The following KIAA1958 variants were observed in gnomAD, a reference collection of about 807,000 sequenced individuals.
KIAA1958 encodes uncharacterized protein KIAA1958.
Under a neutral mutation model 47.2 loss-of-function variants are expected in KIAA1958, and 14 were observed. That is an observed-to-expected ratio of 0.30 (90% CI 0.20 to 0.46). KIAA1958 has a LOEUF of 0.46. Ranked by LOEUF, KIAA1958 falls within the 20% of genes least tolerant of loss-of-function variation. KIAA1958 has a pLI of 1.00. For missense variants in KIAA1958, 803 were observed against 909.2 expected (o/e 0.88, Z 1.50); for synonymous variants, 354 against 353.3 (o/e 1.00, Z -0.02).
At chr9:112,509,238 T>C (rs756891392) in intron 1 of KIAA1958, among the ~76,000 whole-genome samples, 6 of 139,062 alleles carry the variant, frequency 4.3e-5, no homozygotes, top group African/African-American at 1.4e-4. Flanking sequence ...AGTCTTGCTG[T>C]GTCGCCTAGG....
chr9:112,494,225 T>C (rs936710711), intron 1 of KIAA1958, among the ~76,000 whole-genome samples: 1 of 152,224 alleles, frequency 6.6e-6, no homozygotes, highest in Non-Finnish European at 1.5e-5. Context: ...CATTCCCTGT[T>C]AATTCTCCTA....
rs10655286 is a variant in KIAA1958, at chr9:112,563,085, C to CTCTCTCTCCCTATA, written c.-24-10971_-24-10970insCTCTCTCCCTATAT. ...TCTCTGTCTCTCTCTCTCTCTCTCTCTATATATATATATAAATTTTTTTTA... is the reference window on the plus strand; with the variant it reads ...TCTCTGTCTCTCTCTCTCTCTCTCTCTCTCTCTCCCTATATATATATATATATAAATTTTTTTTA... On this transcript the variant is annotated intron_variant, in intron 1 of 3. Coordinates refer to ENST00000337530, the MANE Select transcript of KIAA1958 (RefSeq NM_133465.4). Among the ~76,000 whole-genome samples, 404 of 131,554 alleles carry CTCTCTCTCCCTATA rather than the reference C, an allele frequency of 3.1e-3. 2 individuals are homozygous for CTCTCTCTCCCTATA. Among genetic ancestry groups the CTCTCTCTCCCTATA allele is most frequent in the Non-Finnish European group, 4.8e-3 (305 of 63,606 alleles). The allele number at this position is 131,554 out of a possible 152,430, so 86.3% of individuals were successfully genotyped here.
intron 2 of KIAA1958, among the ~76,000 whole-genome samples, chr9:112,621,117 C>G (rs1427169520): frequency 6.6e-6 from 1 of 152,076 alleles, no homozygotes; most frequent in African/African-American, 2.4e-5. Flanking sequence ...GTGGTTTGAT[C>G]CAGAGCTGGG....
chr9:112,524,153 T>C (rs1005226949), intron 1 of KIAA1958, among the ~76,000 whole-genome samples: 2 of 152,262 alleles, frequency 1.3e-5, no homozygotes, highest in Non-Finnish European at 2.9e-5. Context: ...AATACAGTTC[T>C]GAAAGAGATT....
intron 2 of KIAA1958, among the ~76,000 whole-genome samples, chr9:112,632,520 C>T (rs570642750): frequency 6.6e-6 from 1 of 152,152 alleles, no homozygotes; most frequent in African/African-American, 2.4e-5. Flanking sequence ...AGCAGCCTGG[C>T]CAACATTTAG....
At chr9:112,538,456 A>G (rs1834891334) in intron 1 of KIAA1958, among the ~76,000 whole-genome samples, 1 of 152,226 alleles carries the variant, frequency 6.6e-6, no homozygotes, top group Admixed American at 6.5e-5. Context: ...GTAGGTGAAA[A>G]TAAAGCAGAA....
At chr9:112,507,772 T>TCTC (rs1564152656) in intron 1 of KIAA1958, among the ~76,000 whole-genome samples, 2 of 149,960 alleles carry the variant, frequency 1.3e-5, no homozygotes, top group Admixed American at 6.6e-5. Context: ...CTCTCTCTCT[T>TCTC]TCTTTCTTTC....
chr9:112,560,701 G>A (rs1329085629), intron 1 of KIAA1958, among the ~76,000 whole-genome samples: 2 of 152,164 alleles, frequency 1.3e-5, no homozygotes, highest in Non-Finnish European at 2.9e-5. Context: ...GTTAGGAGAT[G>A]GGTAGGTGAA....
In KIAA1958 at chr9:112,575,198, A is replaced by G; in HGVS notation, c.1118A>G (p.Gln373Arg). 5.1e-6 allele frequency: 8 copies of G among 1,583,232 alleles called. No homozygotes were observed. The South Asian group carries it at 9.2e-5, about 18-fold the overall frequency. ...CCAGAAGTGAGCTCCAGTCAGCAGC[A>G]GCCCCCAGTCGCTCCAGCCATAACC... ...TEPEVSSSQQ[Q>R]PPVAPAITTE... The change falls in exon 2 of 4, where the codon CAG (glutamine) becomes CGG (arginine). Residue 373 changes from glutamine to arginine, a missense_variant. Coordinates refer to ENST00000337530, the MANE Select transcript of KIAA1958 (RefSeq NM_133465.4).
chr9:112,562,958 G>GC, intron 1 of KIAA1958, among the ~76,000 whole-genome samples: 1 of 149,432 alleles, frequency 6.7e-6, no homozygotes, highest in South Asian at 2.1e-4. Flanking sequence ...GAGCCACCTA[G>GC]CCTTTATGAA....
intron 2 of KIAA1958, among the ~76,000 whole-genome samples, chr9:112,621,479 T>C (rs1836507136): frequency 6.6e-6 from 1 of 152,340 alleles, no homozygotes; most frequent in Non-Finnish European, 1.5e-5. Flanking sequence ...AGAAGAGTAG[T>C]CAGTATGCAC....
At chr9:112,495,469 T>C (rs977707378) in intron 1 of KIAA1958, among the ~76,000 whole-genome samples, 1 of 152,168 alleles carries the variant, frequency 6.6e-6, no homozygotes, top group African/African-American at 2.4e-5. Flanking sequence ...AAAAATGAGG[T>C]ACCATTGTAC....
At chr9:112,612,066 A>G (rs550873564) in intron 2 of KIAA1958, among the ~76,000 whole-genome samples, 3 of 152,110 alleles carry the variant, frequency 2.0e-5, no homozygotes, top group East Asian at 3.9e-4. Context: ...TTTATAATAC[A>G]TAATATGTAA....
In KIAA1958 at chr9:112,638,187, G is replaced by A. The variant is rs778679389; in HGVS notation, c.1172-7463G>A. On this transcript the variant is annotated intron_variant, in intron 2 of 3. Coordinates refer to ENST00000337530, the MANE Select transcript of KIAA1958 (RefSeq NM_133465.4). Reference sequence around the variant, plus strand: ...AAAAATAAAATTTTCTCTTAATGTGGTGTTATGTGGGAAGTTGAAAAAGAA... The same window carrying A: ...AAAAATAAAATTTTCTCTTAATGTGATGTTATGTGGGAAGTTGAAAAAGAA... Among the ~76,000 whole-genome samples, 8 of 152,130 alleles carry A rather than the reference G, an allele frequency of 5.3e-5. No homozygotes were observed. The Middle Eastern group carries it at 0.01, about 194-fold the overall frequency.
intron 1 of KIAA1958, among the ~76,000 whole-genome samples, chr9:112,490,906 T>C (rs576193756): frequency 4.6e-5 from 7 of 152,342 alleles, no homozygotes; most frequent in African/African-American, 1.7e-4. Flanking sequence ...ACAGTGATAT[T>C]CTTATACTGA....
intron 1 of KIAA1958, among the ~76,000 whole-genome samples, chr9:112,517,749 A>G (rs1447943256): frequency 6.6e-6 from 1 of 152,252 alleles, no homozygotes; most frequent in African/African-American, 2.4e-5. Context: ...TAAAAAAGCA[A>G]GGAGCCAAGA....
chr9:112,501,872 A>G (rs1234135136), intron 1 of KIAA1958, among the ~76,000 whole-genome samples: 2 of 152,246 alleles, frequency 1.3e-5, no homozygotes, highest in African/African-American at 4.8e-5. Context: ...TATGATAGAC[A>G]AAGAGTTGAT....
chr9:112,648,651 G>C (rs1837014227), intron 3 of KIAA1958, among the ~76,000 whole-genome samples: 1 of 152,150 alleles, frequency 6.6e-6, no homozygotes. Flanking sequence ...ACAGAGCACT[G>C]CTCTAATCCC....
intron 1 of KIAA1958, among the ~76,000 whole-genome samples, chr9:112,564,427 CAG>C (rs1038901138): frequency 6.6e-6 from 1 of 152,124 alleles, no homozygotes; most frequent in East Asian, 1.9e-4. Context: ...ACCTTGTAAA[CAG>C]AGAGACTACA....
Sources: gnomAD v4.1 joint callset for allele counts (sites outside exome capture counted in the v4.1 genomes callset) on GRCh38, gnomAD v4.1.1 for gene constraint, MANE v1.5 for transcripts, NCBI Gene and HGNC (gene_info 2026-07-23, HGNC 2026-07-21) for gene names.